PRELID2: variants seen among roughly 807,000 people sequenced by gnomAD.
PRELID2 encodes PRELI domain-containing protein 2.
A neutral mutation model predicts 28.4 loss-of-function variants in PRELID2; 25 were observed. That is an observed-to-expected ratio of 0.88 (90% CI 0.64 to 1.23). PRELID2 has a LOEUF of 1.23. Among genes scored for constraint, PRELID2 ranks in the 50% most tolerant of loss-of-function variants. PRELID2 has a pLI of 0.00. For synonymous variants in PRELID2, 76 were observed against 71.6 expected (o/e 1.06, Z -0.31); for missense variants, 201 against 214.4 (o/e 0.94, Z 0.39).
At chr5:145,383,292 T>C in the PRELID2 span, among the ~76,000 whole-genome samples, 1 of 151,498 alleles carries the variant, frequency 6.6e-6, no homozygotes, top group Non-Finnish European at 1.5e-5. Context: ...TACGTACATA[T>C]ATACACACAT....
intron 1 of PRELID2, among the ~76,000 whole-genome samples, chr5:145,731,277 C>A (rs1439823945): frequency 6.6e-6 from 1 of 152,200 alleles, no homozygotes; most frequent in Non-Finnish European, 1.5e-5. Context: ...TTGATCACAG[C>A]TATGGACCAA....
At chr5:145,497,919 T>C (rs992038260) in intron 1 of PRELID2, among the ~76,000 whole-genome samples, 1 of 152,232 alleles carries the variant, frequency 6.6e-6, no homozygotes, top group Non-Finnish European at 1.5e-5. Flanking sequence ...GGAAGTCCCC[T>C]GTTTCTAAAA....
the PRELID2 span, among the ~76,000 whole-genome samples, chr5:145,400,073 G>A: frequency 6.6e-6 from 1 of 152,012 alleles, no homozygotes; most frequent in Admixed American, 6.6e-5. Flanking sequence ...ATTTAATACT[G>A]GGTTTCTGGA....
intron 1 of PRELID2, among the ~76,000 whole-genome samples, chr5:145,541,757 T>C (rs1752747199): frequency 6.6e-6 from 1 of 152,040 alleles, no homozygotes; most frequent in Non-Finnish European, 1.5e-5. Flanking sequence ...TTTTTCACCA[T>C]AAGCATGAAT....
chr5:145,282,183 A>G, the PRELID2 span, among the ~76,000 whole-genome samples: 1 of 152,088 alleles, frequency 6.6e-6, no homozygotes, highest in African/African-American at 2.4e-5. Context: ...TAATAATAAT[A>G]CTCATTTTTA....
chr5:145,392,567 A>G, the PRELID2 span, among the ~76,000 whole-genome samples: 7 of 152,322 alleles, frequency 4.6e-5, no homozygotes, highest in African/African-American at 1.7e-4. Context: ...ATAATATAAC[A>G]GAATTGCAGA....
the PRELID2 span, among the ~76,000 whole-genome samples, chr5:145,440,298 G>T: frequency 3.3e-5 from 5 of 152,144 alleles, no homozygotes; most frequent in Admixed American, 2.0e-4. Flanking sequence ...AACAGAAATC[G>T]ATTTTGCCTG....
chr5:145,422,911 G>A, the PRELID2 span, among the ~76,000 whole-genome samples: 1 of 151,676 alleles, frequency 6.6e-6, no homozygotes, highest in East Asian at 1.9e-4. Context: ...TCCTTCAAGA[G>A]CTCTTGTAAG....
At chr5:145,769,755 G>A (rs1821250) in intron 5 of PRELID2, among the ~76,000 whole-genome samples, 112,699 of 152,100 alleles carry the variant, frequency 0.74, 44,190 homozygotes, top group East Asian at 0.9. Context: ...TGCACCCACT[G>A]TGTGTAAGGA....
chr5:145,436,970 C>T, the PRELID2 span: 1 of 152,178 alleles, frequency 6.6e-6, no homozygotes, highest in Non-Finnish European at 1.5e-5. Context: ...GAATGTGTTT[C>T]ACGTCTATTC....
chr5:145,464,983 T>C, the PRELID2 span, among the ~76,000 whole-genome samples: 2 of 152,272 alleles, frequency 1.3e-5, no homozygotes, highest in East Asian at 1.9e-4. Context: ...AATCCTCTTG[T>C]AATGTATGTT....
chr5:145,265,974 T>C, the PRELID2 span, among the ~76,000 whole-genome samples: 1 of 152,180 alleles, frequency 6.6e-6, no homozygotes, highest in Non-Finnish European at 1.5e-5. Context: ...AGACGGGACT[T>C]AAACTAAAAA....
chr5:145,378,492 CT>C, the PRELID2 span, among the ~76,000 whole-genome samples: 1 of 152,094 alleles, frequency 6.6e-6, no homozygotes, highest in Non-Finnish European at 1.5e-5. Context: ...TCTTGTCATT[CT>C]TTTTTCTCTA....
the PRELID2 span, among the ~76,000 whole-genome samples, chr5:145,292,447 C>T: frequency 6.6e-6 from 1 of 152,072 alleles, no homozygotes; most frequent in African/African-American, 2.4e-5. Flanking sequence ...ACTCAAACTG[C>T]TATGAGATAC....
the PRELID2 span, among the ~76,000 whole-genome samples, chr5:145,354,758 C>G: frequency 6.6e-6 from 1 of 152,066 alleles, no homozygotes; most frequent in African/African-American, 2.4e-5. Context: ...ATAGGTGAAT[C>G]TATATAATTT....
the PRELID2 span, among the ~76,000 whole-genome samples, chr5:145,262,409 GA>G: frequency 2.5e-3 from 372 of 151,492 alleles, 1 homozygote; most frequent in East Asian, 0.02. Context: ...AAAAAATGAA[GA>G]AAAAAAATAT....
chr5:145,317,110 T>C, the PRELID2 span, among the ~76,000 whole-genome samples: 1 of 152,214 alleles, frequency 6.6e-6, no homozygotes, highest in Admixed American at 6.5e-5. Flanking sequence ...TGTCACAGAC[T>C]GTTGGAAGGC....
At chr5:145,403,965 A>G in the PRELID2 span, among the ~76,000 whole-genome samples, 2 of 152,338 alleles carry the variant, frequency 1.3e-5, no homozygotes, top group Admixed American at 6.5e-5. Context: ...CTTTTCTGGG[A>G]ACAAGGTTGG....
At chr5:145,459,958 A>C in the PRELID2 span, among the ~76,000 whole-genome samples, 2 of 151,870 alleles carry the variant, frequency 1.3e-5, no homozygotes, top group African/African-American at 4.8e-5. Flanking sequence ...TACAGGGGGC[A>C]TGCCACCACT....
Sources: gnomAD v4.1 joint callset for allele counts (sites outside exome capture counted in the v4.1 genomes callset) on GRCh38, gnomAD v4.1.1 for gene constraint, MANE v1.5 for transcripts, NCBI Gene and HGNC (gene_info 2026-07-23, HGNC 2026-07-21) for gene names.